The following USH2A variants were observed in gnomAD, a reference collection of about 807,000 sequenced individuals.
USH2A encodes Usher syndrome 2A (autosomal recessive, mild).
In USH2A, 443 loss-of-function variants were observed where a neutral mutation model predicts 538.9. The observed-to-expected ratio is 0.82, with a 90% CI of 0.76 to 0.89. USH2A has a LOEUF of 0.89. Among genes scored for constraint, USH2A ranks in the 40% least tolerant of loss-of-function variants. The pLI is 0.00. For synonymous variants in USH2A, 2,413 were observed against 2,273.5 expected (o/e 1.06, Z -1.75); for missense variants, 6,633 against 6,324.8 (o/e 1.05, Z -1.65).
Position 215,639,207 on chromosome 1 carries a change from G to A in USH2A, c.15000C>T (p.Asp5000=), listed in dbSNP as rs756699087. ...TCAACGGCGTCTTAACACTTCCTTC[G>A]TCAGTCGTGCAGATGACCTGGAAAA... ...TFFFQVICTT[D]EGSVKTPLIQ... The change falls in exon 69 of 72, where the codon GAC becomes GAT. Residue 5000 remains aspartate (D), a synonymous_variant. Coordinates refer to ENST00000307340, the MANE Select transcript of USH2A (RefSeq NM_206933.4). 31 of 1,614,044 alleles carry A rather than the reference G, an allele frequency of 1.9e-5. No individual in the cohort carries two copies. Among genetic ancestry groups the A allele is most frequent in the Middle Eastern group, 1.6e-4 (1 of 6,062 alleles).
In USH2A at chr1:215,822,062, T is replaced by C. The variant is rs192352480; in HGVS notation, c.9372-4867A>G. 6.6e-3 allele frequency among the ~76,000 whole-genome samples: 1,001 copies of C among 152,042 alleles called. 11 individuals carry two copies. The highest frequency in any genetic ancestry group is 7.9e-3 in the Admixed American group (120 of 15,240). On this transcript the variant is annotated intron_variant, in intron 47 of 71. Coordinates refer to ENST00000307340, the MANE Select transcript of USH2A (RefSeq NM_206933.4). ...TTTTGAAGTAAGGTAGTGTAATGCC[T>C]CCAGCTTTGTCTTTTTTTTACTCAG...
intron 38 of USH2A, among the ~76,000 whole-genome samples, chr1:215,918,040 T>C (rs6665202): frequency 0.52 from 78,377 of 151,678 alleles, 21,191 homozygotes; most frequent in East Asian, 0.68. Flanking sequence ...TCCTCTATGG[T>C]GCCATTGAAT....
intron 9 of USH2A, among the ~76,000 whole-genome samples, chr1:216,296,105 G>GT (rs2037099144): frequency 6.6e-6 from 1 of 152,030 alleles, no homozygotes; most frequent in African/African-American, 2.4e-5. Flanking sequence ...AACAAAGTGA[G>GT]TTTTTTCTAC....
chr1:215,719,143 A>T (rs1366973373), intron 61 of USH2A, among the ~76,000 whole-genome samples: 6 of 151,952 alleles, frequency 3.9e-5, no homozygotes, highest in Non-Finnish European at 7.4e-5. Flanking sequence ...GAAGTGTGAG[A>T]GTGTGTGTCT....
chr1:215,644,531 A>G (rs1656787269), intron 67 of USH2A, among the ~76,000 whole-genome samples: 1 of 152,220 alleles, frequency 6.6e-6, no homozygotes, highest in African/African-American at 2.4e-5. Context: ...AAGATCAACC[A>G]ACAAAGTTGA....
chr1:216,251,770 G>A (rs1485161486), intron 11 of USH2A, among the ~76,000 whole-genome samples: 1 of 152,034 alleles, frequency 6.6e-6, no homozygotes, highest in Non-Finnish European at 1.5e-5. Context: ...CTTGTTTACT[G>A]TCTCATTGAT....
chr1:215,864,207 T>C (rs1009900178), intron 44 of USH2A, among the ~76,000 whole-genome samples: 3 of 152,184 alleles, frequency 2.0e-5, no homozygotes, highest in African/African-American at 7.2e-5. Flanking sequence ...TCTAAACGCA[T>C]GAGAAATAGA....
At chr1:216,243,206 C>T (rs996427586) in intron 13 of USH2A, among the ~76,000 whole-genome samples, 3 of 152,202 alleles carry the variant, frequency 2.0e-5, no homozygotes, top group Middle Eastern at 3.4e-3. Flanking sequence ...AAGAAACAGT[C>T]GAAGATCCCA....
chr1:215,953,877 A>G (rs1666994587), intron 37 of USH2A, among the ~76,000 whole-genome samples: 1 of 152,060 alleles, frequency 6.6e-6, no homozygotes, highest in African/African-American at 2.4e-5. Context: ...GAAAAAAACA[A>G]ACAACCCCAT....
At chr1:216,144,952 G>A (rs2033666604) in intron 21 of USH2A, among the ~76,000 whole-genome samples, 1 of 152,152 alleles carries the variant, frequency 6.6e-6, no homozygotes, top group African/African-American at 2.4e-5. Flanking sequence ...AATAGGAAAT[G>A]TATTATCCAG....
chr1:215,987,501 CTGAT>C (rs1667899491), intron 35 of USH2A, among the ~76,000 whole-genome samples: 1 of 152,184 alleles, frequency 6.6e-6, no homozygotes, highest in African/African-American at 2.4e-5. Flanking sequence ...GCAAAGGACT[CTGAT>C]TAGAGAAACA....
intron 41 of USH2A, 26 bp from the exon 42 acceptor site, chr1:215,879,124 C>A: frequency 1.3e-6 from 2 of 1,593,268 alleles, no homozygotes; most frequent in South Asian, 2.2e-5. Flanking sequence ...AACTTAGAAT[C>A]AGTGTGACGA....
chr1:215,981,913 G>C (rs1197929234), intron 35 of USH2A, among the ~76,000 whole-genome samples: 1 of 152,140 alleles, frequency 6.6e-6, no homozygotes, highest in Non-Finnish European at 1.5e-5. Flanking sequence ...TACTCCATGT[G>C]AATTAGAGAA....
chr1:216,354,511 G>C (rs1272564605), intron 4 of USH2A, among the ~76,000 whole-genome samples: 1 of 152,098 alleles, frequency 6.6e-6, no homozygotes, highest in African/African-American at 2.4e-5. Flanking sequence ...CATGCAAATA[G>C]ATGGGTGAAT....
intron 4 of USH2A, among the ~76,000 whole-genome samples, chr1:216,338,574 A>G (rs2038018811): frequency 6.6e-6 from 1 of 151,558 alleles, no homozygotes; most frequent in Non-Finnish European, 1.5e-5. Context: ...GTTAAAATTT[A>G]AAACTCTTGT....
intron 30 of USH2A, among the ~76,000 whole-genome samples, chr1:216,063,092 C>A (rs1288751909): frequency 6.6e-6 from 1 of 152,050 alleles, no homozygotes; most frequent in Non-Finnish European, 1.5e-5. Flanking sequence ...CTCAGAAATG[C>A]TAAATAAGGG....
chr1:215,808,750 CT>C (rs1466105707), intron 49 of USH2A, among the ~76,000 whole-genome samples: 1 of 152,032 alleles, frequency 6.6e-6, no homozygotes, highest in Non-Finnish European at 1.5e-5. Context: ...ATACTTTGTT[CT>C]TTTTTATTGC....
intron 3 of USH2A, among the ~76,000 whole-genome samples, chr1:216,389,216 A>G (rs2039057232): frequency 6.6e-6 from 1 of 152,226 alleles, no homozygotes; most frequent in Non-Finnish European, 1.5e-5. Context: ...AAAACAAAAA[A>G]AGAGTCTTAA....
In USH2A at chr1:216,097,186, A is replaced by G; in HGVS notation, c.4655T>C (p.Val1552Ala). ...TGIKASFRTK[V>A]PEGLIVFAAS... ...TGCAAAGACAATCAAACCTTCAGGCACTTTTGTTCGAAAGCTGGCCTTAAT... is the reference window on the plus strand; with the variant it reads ...TGCAAAGACAATCAAACCTTCAGGCGCTTTTGTTCGAAAGCTGGCCTTAAT... Residue 1552 changes from valine (V) to alanine (A), a missense_variant, in exon 22 of 72, where the codon GTG (valine) becomes GCG (alanine). Val to Ala is a moderately conservative substitution (Grantham distance 64, BLOSUM62 0). Transcript: ENST00000307340. 6.2e-7 allele frequency: 1 copy of G among 1,614,188 alleles called. No homozygotes were observed. The highest frequency in any genetic ancestry group is 2.2e-5 in the East Asian group (1 of 44,872).
Sources: allele counts gnomAD v4.1 joint callset (sites outside exome capture counted in the v4.1 genomes callset), GRCh38; gene constraint gnomAD v4.1.1; transcripts MANE v1.5; gene names NCBI Gene and HGNC (gene_info 2026-07-23, HGNC 2026-07-21).